Variants in WDR76 observed in about 807,000 individuals in gnomAD.
WDR76 encodes WD repeat-containing protein 76.
Under a neutral mutation model 70.2 loss-of-function variants are expected in WDR76, and 52 were observed. That is an observed-to-expected ratio of 0.74 (90% confidence interval 0.59 to 0.93). The LOEUF (loss-of-function observed/expected upper bound fraction) is 0.93, where lower values mean the gene tolerates loss of function less well. Ranked by LOEUF, WDR76 falls within the 40% of genes least tolerant of loss-of-function variation. WDR76 has a pLI of 0.00. For synonymous variants in WDR76, 292 were observed against 271.1 expected (o/e 1.08, Z -0.76); for missense variants, 756 against 760.2 (o/e 0.99, Z 0.07).
At chr15:43,846,462 T>G (rs1370207074) in intron 8 of WDR76, among the ~76,000 whole-genome samples, 1 of 148,712 alleles carries the variant, frequency 6.7e-6, no homozygotes, top group Admixed American at 6.7e-5. Context: ...TTTTTTAACT[T>G]TTTGTAGAGA....
rs1049068737 is a variant in WDR76 at position 43,867,113 on chromosome 15, T to C, written c.*721T>C. 3.4e-4 allele frequency: 52 copies of C among 152,202 alleles called. No homozygotes were observed. The highest frequency in any genetic ancestry group is 2.1e-4 in the South Asian group (1 of 4,832). 9.4% of individuals were successfully genotyped at this position (152,202 alleles called of 1,614,324 possible). ...TACACTGGAAGGGGACCCGGAAAGG[T>C]AATGTAACTCAGTGATTTTAAAACT... On this transcript the variant is annotated 3_prime_UTR_variant, in exon 13 of 13. Transcript: ENST00000263795.
At chr15:43,847,111 A>G (rs1488902490) in intron 8 of WDR76, among the ~76,000 whole-genome samples, 1 of 151,786 alleles carries the variant, frequency 6.6e-6, no homozygotes, top group African/African-American at 2.4e-5. Flanking sequence ...ACATTTGGCA[A>G]TCTCATTAAC....
In WDR76 at chr15:43,836,572, T is replaced by G. The variant is rs548395296; in HGVS notation, c.608+356T>G. The stretch of plus-strand genomic sequence containing the variant: ...TTTTTGCGTCTCAATTTGTTTTTGC[T>G]TTCTTAGTCCTAGAATAAAGGAAAG... On this transcript the variant is annotated intron_variant, in intron 4 of 12. Coordinates refer to ENST00000263795, the MANE Select transcript of WDR76 (RefSeq NM_024908.4). 2.0e-5 allele frequency among the ~76,000 whole-genome samples: 3 copies of G among 152,338 alleles called. No homozygotes were observed. In the South Asian group the frequency reaches 6.2e-4, roughly 32 times the overall value.
In WDR76 at chr15:43,858,801, A is replaced by C. The variant is rs778243671; in HGVS notation, c.1540A>C (p.Thr514Pro). ...SPLTGNRVVT[T>P]CADCNLRIFD... ...TCTTACTGGTAACAGAGTGGTGACC[A>C]CATGTGCTGATTGTAATCTGAGGTA... The change falls in exon 11 of 13, where the codon ACA becomes CCA. Residue 514 changes from threonine to proline, a missense_variant. Physicochemically the swap from Thr to Pro is conservative, Grantham distance 38. Transcript: ENST00000263795. 1 of 1,613,946 alleles carries C rather than the reference A, an allele frequency of 6.2e-7. No homozygotes were observed. Among genetic ancestry groups the C allele is most frequent in the Non-Finnish European group, 8.5e-7 (1 of 1,179,976 alleles).
intron 4 of WDR76, among the ~76,000 whole-genome samples, chr15:43,837,354 A>T (rs2087669706): frequency 6.6e-6 from 1 of 152,252 alleles, no homozygotes; most frequent in Non-Finnish European, 1.5e-5. Flanking sequence ...TAAGAGGAAC[A>T]TCATTAACAC....
chr15:43,839,704 G>T lies in WDR76; in HGVS notation c.708G>T (p.Pro236=). The T allele has an allele frequency of 6.2e-7, 1 of 1,608,992 alleles. No individual in the cohort carries two copies. The part of the protein sequence containing the change: ...SGVSLPAAPT[P]PTLVADETPL... The stretch of plus-strand genomic sequence containing the variant: ...TTTCATTACCAGCAGCTCCAACACC[G>T]CCGACATTAGTAGCAGATGAAACTG... The change falls in exon 5 of 13, where the codon CCG becomes CCT. Residue 236 remains proline, a synonymous_variant. Transcript: ENST00000263795.
intron 4 of WDR76, among the ~76,000 whole-genome samples, chr15:43,836,663 T>C (rs1567183511): frequency 6.6e-6 from 1 of 152,172 alleles, no homozygotes; most frequent in African/African-American, 2.4e-5. Context: ...TCCTATATTA[T>C]CTCATTTAAC....
At chr15:43,858,586 T>C in intron 10 of WDR76, 85 bp from the exon 11 acceptor site, 1 of 1,511,190 alleles carries the variant, frequency 6.6e-7, no homozygotes, top group Non-Finnish European at 9.0e-7. Flanking sequence ...AGCAAGTATG[T>C]GAGTGTCTAA....
At chr15:43,833,445 T>G (rs1391631107) in intron 2 of WDR76, among the ~76,000 whole-genome samples, 1 of 150,280 alleles carries the variant, frequency 6.7e-6, no homozygotes, top group Non-Finnish European at 1.5e-5. Context: ...CAGCCTCCTG[T>G]GTAGCTGGGA....
At chr15:43,857,710 C>T (rs2087945499) in intron 10 of WDR76, 1 of 165,922 alleles carries the variant, frequency 6.0e-6, no homozygotes, top group South Asian at 2.0e-4. Flanking sequence ...ATCCCAGGTA[C>T]TTGGGAGGCT....
At position 43,851,324 on chromosome 15, in the gene WDR76, C is replaced by T. The variant is rs879032737; in HGVS notation, c.1191+79C>T. ...AAATGCCACATGAATAATTATTATACCAATTGGGAGAAGTGGTATAGCAGA... is the reference window on the plus strand; with the variant it reads ...AAATGCCACATGAATAATTATTATATCAATTGGGAGAAGTGGTATAGCAGA... On this transcript the variant is annotated intron_variant, in intron 9 of 12. Transcript: ENST00000263795. 12 of 1,554,612 alleles carry T rather than the reference C, an allele frequency of 7.7e-6. No homozygotes were observed. In the South Asian group the frequency reaches 1.2e-4, roughly 16 times the overall value.
intron 4 of WDR76, 69 bp from the exon 5 acceptor site, chr15:43,839,536 C>T (rs1198776335): frequency 6.9e-7 from 1 of 1,459,764 alleles, no homozygotes; most frequent in East Asian, 2.4e-5. Context: ...TAGAAGTTAT[C>T]TCTTTAGTAT....
rs770959698 is a variant in WDR76 at position 43,842,693 on chromosome 15, T to A, written c.878+22T>A. Reference sequence around the variant, plus strand: ...AAAGGTAAGTTGAAATTCCTTGTGTTTCTTTTATATTTTTTGAGATGTTTG... The same window carrying A: ...AAAGGTAAGTTGAAATTCCTTGTGTATCTTTTATATTTTTTGAGATGTTTG... On this transcript the variant is annotated intron_variant, in intron 7 of 12. Transcript: ENST00000263795. The A allele has an allele frequency of 1.9e-5, 31 of 1,597,888 alleles. No homozygotes were observed. The South Asian group carries it at 3.3e-4, about 17-fold the overall frequency.
At chr15:43,859,426 T>G (rs1437831213) in intron 11 of WDR76, among the ~76,000 whole-genome samples, 2 of 152,252 alleles carry the variant, frequency 1.3e-5, no homozygotes, top group Admixed American at 1.3e-4. Context: ...TGTTCTCTTT[T>G]AGAATCCCTG....
At chr15:43,848,380 C>T (rs938358281) in intron 8 of WDR76, among the ~76,000 whole-genome samples, 12 of 152,290 alleles carry the variant, frequency 7.9e-5, no homozygotes, top group Admixed American at 5.9e-4. Flanking sequence ...TGCCCTGCCC[C>T]GTGTGCAGAA....
chr15:43,845,698 A>T (rs1442996617), intron 8 of WDR76, among the ~76,000 whole-genome samples: 1 of 150,628 alleles, frequency 6.6e-6, no homozygotes, highest in Non-Finnish European at 1.5e-5. Flanking sequence ...ATCTTTGATG[A>T]GTCAGAAATA....
intron 8 of WDR76, among the ~76,000 whole-genome samples, chr15:43,850,031 C>G (rs1222742115): frequency 6.6e-6 from 1 of 151,914 alleles, no homozygotes; most frequent in Non-Finnish European, 1.5e-5. Context: ...GAATACTTCT[C>G]TCCATTTTAA....
chr15:43,827,330 A>G (rs1383575443), intron 1 of WDR76, among the ~76,000 whole-genome samples: 1 of 152,044 alleles, frequency 6.6e-6, no homozygotes, highest in African/African-American at 2.4e-5. Flanking sequence ...CACAGTTATG[A>G]TCGGCTTCAC....
intron 8 of WDR76, among the ~76,000 whole-genome samples, chr15:43,849,548 T>A (rs1442540405): frequency 6.6e-6 from 1 of 152,180 alleles, no homozygotes; most frequent in African/African-American, 2.4e-5. Flanking sequence ...TGGAATGATT[T>A]TTTTTTTTGA....
Sources: gnomAD v4.1 joint callset for allele counts (sites outside exome capture counted in the v4.1 genomes callset) on GRCh38, gnomAD v4.1.1 for gene constraint, MANE v1.5 for transcripts, NCBI Gene and HGNC (gene_info 2026-07-23, HGNC 2026-07-21) for gene names.